PHACTR1: variants seen among roughly 807,000 people sequenced by gnomAD.
PHACTR1 encodes phosphatase and actin regulator 1.
In PHACTR1, 16 loss-of-function variants were observed where a neutral mutation model predicts 69.2. The ratio of observed to expected loss-of-function variants is 0.23; its 90% CI spans 0.16 to 0.35. The LOEUF (loss-of-function observed/expected upper bound fraction) is 0.35, where lower values mean the gene tolerates loss of function less well. Among genes scored for constraint, PHACTR1 ranks in the 10% least tolerant of loss-of-function variants. The probability of loss-of-function intolerance (pLI) is 1.00; values close to 1 mark genes in which losing one functional copy is unlikely to be tolerated. For synonymous variants in PHACTR1, 312 were observed against 284.5 expected (o/e 1.10, Z -0.97); for missense variants, 510 against 734.7 (o/e 0.69, Z 3.54).
At chr6:13,195,408 A>G (rs1314386694) in intron 7 of PHACTR1, among the ~76,000 whole-genome samples, 1 of 152,196 alleles carries the variant, frequency 6.6e-6, no homozygotes, top group Non-Finnish European at 1.5e-5. Context: ...ATTGACAAGT[A>G]ACTGCCGATA....
chr6:13,032,504 G>A (rs1208441017), intron 4 of PHACTR1, among the ~76,000 whole-genome samples: 1 of 152,148 alleles, frequency 6.6e-6, no homozygotes, highest in South Asian at 2.1e-4. Flanking sequence ...TTACAGCAGT[G>A]TTTTCTAGAT....
chr6:12,751,832 G>A (rs1766655135), intron 4 of PHACTR1, among the ~76,000 whole-genome samples: 1 of 152,208 alleles, frequency 6.6e-6, no homozygotes, highest in African/African-American at 2.4e-5. Flanking sequence ...GAAATGCAGA[G>A]AGGATATTGT....
intron 4 of PHACTR1, among the ~76,000 whole-genome samples, chr6:12,922,484 T>C (rs373700342): frequency 5.6e-4 from 76 of 136,738 alleles, no homozygotes; most frequent in African/African-American, 1.9e-3. Context: ...CATAAAGGAA[T>C]AAAGCAAAGT....
chr6:13,205,901 G>A lies in PHACTR1; in HGVS notation c.751G>A (p.Val251Met), dbSNP rs375123444. ...AAAGAAAGTCATGATCTGTATGCCC[G>A]TGGGGGGGCCAGACCTCTCACTGGT... ...PPKKVMICMP[V>M]GGPDLSLVSY... The change falls in exon 8 of 15, where the codon GTG (valine) becomes ATG (methionine). Residue 251 changes from valine (V) to methionine (M), a missense_variant. Coordinates refer to ENST00000332995, the MANE Select transcript of PHACTR1 (RefSeq NM_030948.6). 40 of 1,613,514 alleles carry A rather than the reference G, an allele frequency of 2.5e-5. No individual in the cohort carries two copies. In the South Asian group the frequency reaches 2.7e-4, roughly 11 times the overall value.
At chr6:13,207,274 A>G (rs1162892143) in intron 8 of PHACTR1, among the ~76,000 whole-genome samples, 1 of 152,256 alleles carries the variant, frequency 6.6e-6, no homozygotes. Flanking sequence ...AAAATATGAA[A>G]TAAGAAAAGA....
At chr6:12,864,054 T>C (rs1781202007) in intron 4 of PHACTR1, among the ~76,000 whole-genome samples, 1 of 152,214 alleles carries the variant, frequency 6.6e-6, no homozygotes, top group Non-Finnish European at 1.5e-5. Context: ...TGGTATTCAA[T>C]ACCTTTAATT....
intron 10 of PHACTR1, among the ~76,000 whole-genome samples, chr6:13,242,116 C>G (rs1249685669): frequency 6.6e-6 from 1 of 151,522 alleles, no homozygotes; most frequent in African/African-American, 2.4e-5. Context: ...CCTAAAGCAG[C>G]AAAGGTTTAT....
intron 4 of PHACTR1, among the ~76,000 whole-genome samples, chr6:12,779,071 C>T (rs1365486471): frequency 2.0e-5 from 3 of 152,218 alleles, no homozygotes; most frequent in African/African-American, 4.8e-5. Flanking sequence ...CACGGTGGCT[C>T]ATGCCTGTAA....
chr6:13,265,495 G>A (rs375734839), intron 10 of PHACTR1, among the ~76,000 whole-genome samples: 46 of 152,270 alleles, frequency 3.0e-4, no homozygotes, highest in African/African-American at 1.0e-3. Context: ...AGTTATTTTC[G>A]GAAGTAGTTC....
chr6:13,159,951 A>AG (rs779942817), intron 5 of PHACTR1, among the ~76,000 whole-genome samples: 3 of 152,170 alleles, frequency 2.0e-5, no homozygotes, highest in Non-Finnish European at 4.4e-5. Flanking sequence ...GAAAAAAAAA[A>AG]GAATGCCTAC....
chr6:13,162,018 A>G (rs1759091810), intron 6 of PHACTR1, among the ~76,000 whole-genome samples: 1 of 152,186 alleles, frequency 6.6e-6, no homozygotes, highest in Admixed American at 6.5e-5. Flanking sequence ...TAAGCTCTCC[A>G]GGAAAAGAAT....
intron 5 of PHACTR1, among the ~76,000 whole-genome samples, chr6:13,086,083 TAAAAA>T (rs776154642): frequency 3.3e-5 from 2 of 60,264 alleles, no homozygotes; most frequent in Non-Finnish European, 5.9e-5. Flanking sequence ...TACACATTTC[TAAAAA>T]AAAAAAAAAA....
At chr6:13,000,520 C>T (rs1435837185) in intron 4 of PHACTR1, among the ~76,000 whole-genome samples, 1 of 151,300 alleles carries the variant, frequency 6.6e-6, no homozygotes, top group Non-Finnish European at 1.5e-5. Context: ...TGCACTCCAG[C>T]CTCAGCGACA....
intron 5 of PHACTR1, among the ~76,000 whole-genome samples, chr6:13,154,796 C>T (rs548588610): frequency 2.2e-4 from 34 of 151,896 alleles, no homozygotes; most frequent in Non-Finnish European, 4.1e-4. Context: ...CGGTGGCTCA[C>T]TCCTCTTCTT....
chr6:12,893,032 A>C (rs1470826524), intron 4 of PHACTR1, among the ~76,000 whole-genome samples: 1 of 152,218 alleles, frequency 6.6e-6, no homozygotes, highest in African/African-American at 2.4e-5. Context: ...AGTCTTGGCA[A>C]TATAGTGTCC....
intron 4 of PHACTR1, among the ~76,000 whole-genome samples, chr6:12,820,893 G>A (rs1006568571): frequency 6.6e-6 from 1 of 152,040 alleles, no homozygotes; most frequent in Non-Finnish European, 1.5e-5. Flanking sequence ...AGCCCTCCAG[G>A]AAAGGAAAAA....
At chr6:12,847,622 C>A (rs1779419904) in intron 4 of PHACTR1, among the ~76,000 whole-genome samples, 1 of 151,636 alleles carries the variant, frequency 6.6e-6, no homozygotes, top group Non-Finnish European at 1.5e-5. Flanking sequence ...AATTATACTA[C>A]CTCAATGAGA....
chr6:12,960,956 A>G (rs543067898), intron 4 of PHACTR1, among the ~76,000 whole-genome samples: 10 of 152,322 alleles, frequency 6.6e-5, no homozygotes, highest in Admixed American at 2.0e-4. Context: ...CGTATACTGT[A>G]AAGTCCAAAG....
intron 12 of PHACTR1, among the ~76,000 whole-genome samples, chr6:13,282,398 G>C (rs1471409417): frequency 1.3e-5 from 2 of 152,180 alleles, no homozygotes; most frequent in African/African-American, 2.4e-5. Context: ...CTAATATCGG[G>C]AGATGGCAAA....
Sources: gnomAD v4.1 joint callset for allele counts (sites outside exome capture counted in the v4.1 genomes callset) on GRCh38, gnomAD v4.1.1 for gene constraint, MANE v1.5 for transcripts, NCBI Gene and HGNC (gene_info 2026-07-23, HGNC 2026-07-21) for gene names.